The following SHC4 variants were observed in gnomAD, a reference collection of about 807,000 sequenced individuals.
SHC4 encodes the protein SHC-transforming protein 4.
A neutral mutation model predicts 69.4 loss-of-function variants in SHC4; 41 were observed. That is an observed-to-expected ratio of 0.59 (90% CI 0.46 to 0.77). The LOEUF is 0.77. Ranked by LOEUF, SHC4 falls within the 30% of genes least tolerant of loss-of-function variation. SHC4 has a pLI of 0.00. For missense variants in SHC4, 777 were observed against 783.8 expected (o/e 0.99, Z 0.10); for synonymous variants, 318 against 299.3 (o/e 1.06, Z -0.64).
At chr15:48,921,057 T>C (rs1427362942) in intron 2 of SHC4, among the ~76,000 whole-genome samples, 2 of 152,184 alleles carry the variant, frequency 1.3e-5, no homozygotes, top group Non-Finnish European at 2.9e-5. Flanking sequence ...AAACAACCCA[T>C]TTATCTATTG....
Position 48,867,888 on chromosome 15 carries a change from G to C in SHC4, c.895-19C>G. The stretch of plus-strand genomic sequence containing the variant: ...TAGTATCCTATAAAAAAGGGAAAAT[G>C]ACTGTATTTAAAATGGATGAACTGT... On this transcript the variant is annotated intron_variant, in intron 5 of 11. Transcript: ENST00000332408. The C allele has an allele frequency of 1.2e-6, 2 of 1,602,568 alleles. No individual in the cohort carries two copies. Among genetic ancestry groups the C allele is most frequent in the Non-Finnish European group, 1.7e-6 (2 of 1,170,674 alleles).
chr15:48,935,954 A>G (rs1448740285), intron 1 of SHC4, among the ~76,000 whole-genome samples: 3 of 152,126 alleles, frequency 2.0e-5, no homozygotes, highest in Non-Finnish European at 2.9e-5. Flanking sequence ...AAAGGTGCTA[A>G]CACTTTCCAT....
chr15:48,926,554 C>T (rs536335682), intron 1 of SHC4, among the ~76,000 whole-genome samples: 3 of 152,158 alleles, frequency 2.0e-5, no homozygotes, highest in South Asian at 2.1e-4. Context: ...CCGCTGCCTC[C>T]CAAATTCAAG....
chr15:48,924,471 C>A (rs1242584409), intron 2 of SHC4, among the ~76,000 whole-genome samples: 2 of 152,186 alleles, frequency 1.3e-5, no homozygotes, highest in Non-Finnish European at 2.9e-5. Context: ...AAGGAGTAAG[C>A]AGTTTCTCAC....
chr15:48,944,252 G>T (rs1422715058), intron 1 of SHC4, among the ~76,000 whole-genome samples: 2 of 151,872 alleles, frequency 1.3e-5, no homozygotes, highest in African/African-American at 2.4e-5. Flanking sequence ...GACTCTGGGT[G>T]CCCTACCTAC....
chr15:48,904,401 G>A (rs1900369451), intron 2 of SHC4, among the ~76,000 whole-genome samples: 1 of 152,104 alleles, frequency 6.6e-6, no homozygotes, highest in South Asian at 2.1e-4. Context: ...ATAATAAACT[G>A]CTATTTCAAC....
intron 2 of SHC4, among the ~76,000 whole-genome samples, chr15:48,904,488 G>A (rs1254212080): frequency 6.6e-6 from 1 of 152,184 alleles, no homozygotes; most frequent in African/African-American, 2.4e-5. Flanking sequence ...CCACATGATT[G>A]AGAAATCCTT....
chr15:48,919,428 A>G (rs975591680), intron 2 of SHC4, among the ~76,000 whole-genome samples: 3 of 148,358 alleles, frequency 2.0e-5, no homozygotes, highest in African/African-American at 5.0e-5. Flanking sequence ...GGCCTATAGC[A>G]TATCTGGGAC....
chr15:48,876,594 G>A (rs1374739041), intron 4 of SHC4: 1 of 698,876 alleles, frequency 1.4e-6, no homozygotes, highest in Non-Finnish European at 2.6e-6. Flanking sequence ...TAAGGAGAGA[G>A]GAGAGCCAGT....
intron 2 of SHC4, among the ~76,000 whole-genome samples, chr15:48,911,367 G>T (rs1422880876): frequency 1.3e-5 from 2 of 152,070 alleles, no homozygotes; most frequent in Non-Finnish European, 2.9e-5. Flanking sequence ...TATTTTGTCT[G>T]ATATAAGAAT....
intron 2 of SHC4, among the ~76,000 whole-genome samples, chr15:48,919,495 C>T (rs778056771): frequency 6.6e-6 from 1 of 151,172 alleles, no homozygotes; most frequent in Non-Finnish European, 1.5e-5. Flanking sequence ...CACTCTGTTG[C>T]TCAGGCTGGT....
At chr15:48,911,481 G>A (rs537149332) in intron 2 of SHC4, among the ~76,000 whole-genome samples, 17 of 152,230 alleles carry the variant, frequency 1.1e-4, no homozygotes, top group African/African-American at 3.9e-4. Flanking sequence ...GTCTCCTAAA[G>A]GCAGCAGATA....
chr15:48,831,637 T>C (rs1276401909), intron 11 of SHC4, among the ~76,000 whole-genome samples: 1 of 152,218 alleles, frequency 6.6e-6, no homozygotes, highest in Non-Finnish European at 1.5e-5. Flanking sequence ...TTCAAAAATG[T>C]TTGCACAATG....
chr15:48,917,058 A>G (rs931569066), intron 2 of SHC4, among the ~76,000 whole-genome samples: 22 of 152,192 alleles, frequency 1.4e-4, no homozygotes, highest in Non-Finnish European at 3.2e-4. Context: ...CTTTCTCACC[A>G]GCTCCACTTA....
chr15:48,872,062 A>T, intron 5 of SHC4, 27 bp downstream of exon 5: 1 of 1,477,782 alleles, frequency 6.8e-7, no homozygotes, highest in Non-Finnish European at 9.3e-7. Flanking sequence ...TAACTCATAA[A>T]AAGAACTTCT....
intron 2 of SHC4, among the ~76,000 whole-genome samples, chr15:48,921,625 G>A (rs140191172): frequency 0.015 from 2,333 of 152,228 alleles, 34 homozygotes; most frequent in Middle Eastern, 0.034. Context: ...GAGCCACCAC[G>A]CCTGGCCAGA....
intron 10 of SHC4, among the ~76,000 whole-genome samples, chr15:48,838,853 C>G (rs1264065362): frequency 6.6e-6 from 1 of 151,756 alleles, no homozygotes; most frequent in Non-Finnish European, 1.5e-5. Context: ...AAGTTAGATC[C>G]CCAACCTCAC....
chr15:48,941,035 G>T (rs763740441), intron 1 of SHC4, among the ~76,000 whole-genome samples: 24 of 152,154 alleles, frequency 1.6e-4, no homozygotes, highest in Non-Finnish European at 3.1e-4. Context: ...GCACACCAGG[G>T]CTCGAAGGGA....
At chr15:48,961,403 AC>A (rs761419156) in intron 1 of SHC4, among the ~76,000 whole-genome samples, 2 of 151,598 alleles carry the variant, frequency 1.3e-5, no homozygotes, top group Admixed American at 6.6e-5. Flanking sequence ...ACTACAAGCC[AC>A]CCCCTCCCTC....
Sources: gnomAD v4.1 joint callset for allele counts (sites outside exome capture counted in the v4.1 genomes callset) on GRCh38, gnomAD v4.1.1 for gene constraint, MANE v1.5 for transcripts, NCBI Gene and HGNC (gene_info 2026-07-23, HGNC 2026-07-21) for gene names.